PITPNM2: variants seen among roughly 807,000 people sequenced by gnomAD.
The protein encoded by PITPNM2 is phosphatidylinositol transfer protein membrane associated 2, also known as membrane-associated phosphatidylinositol transfer protein 2.
A neutral mutation model predicts 132.2 loss-of-function variants in PITPNM2; 35 were observed. The ratio of observed to expected loss-of-function variants is 0.26; its 90% CI spans 0.20 to 0.35. The LOEUF (loss-of-function observed/expected upper bound fraction) is 0.35. PITPNM2 is among the 10% of genes least tolerant of loss of function. PITPNM2 has a pLI of 1.00. For synonymous variants in PITPNM2, 738 were observed against 799.2 expected (o/e 0.92, Z 1.29); for missense variants, 1,332 against 1,912.0 (o/e 0.70, Z 5.66).
chr12:123,024,751 G>T (rs2039793075), intron 3 of PITPNM2, among the ~76,000 whole-genome samples: 1 of 152,164 alleles, frequency 6.6e-6, no homozygotes, highest in Admixed American at 6.5e-5. Context: ...GCACATTATT[G>T]GTTGCCTGGG....
At chr12:123,116,651 A>G (rs1205887608) in intron 1 of PITPNM2, among the ~76,000 whole-genome samples, 1 of 149,980 alleles carries the variant, frequency 6.7e-6, no homozygotes, top group Non-Finnish European at 1.5e-5. Context: ...TTGTTTCAAA[A>G]AAAAAAAAAA....
In PITPNM2 at chr12:122,986,289, G is replaced by A; in HGVS notation, c.3788C>T (p.Pro1263Leu). ...AQLKYSHRAR[P>L]ARNTATRMAL... Reference sequence around the variant, plus strand: ...CATGCGGGTGGCCGTGTTGCGAGCGGGCCGCGCCCGGTGGCTGTACTTCAG... The same window carrying A: ...CATGCGGGTGGCCGTGTTGCGAGCGAGCCGCGCCCGGTGGCTGTACTTCAG... The change falls in exon 26 of 26, where the codon CCC becomes CTC. Residue 1263 changes from proline to leucine, a missense_variant. By Grantham distance (98) the Pro-to-Leu change is moderately conservative (BLOSUM62 -3). This residue lies in a region of PITPNM2 where 163 missense variants were observed against 177.2 expected (regional missense o/e 0.92). Coordinates refer to ENST00000320201, the MANE Select transcript of PITPNM2 (RefSeq NM_020845.3). The A allele has an allele frequency of 6.3e-7, 1 of 1,581,996 alleles. No homozygotes were observed. The highest frequency in any genetic ancestry group is 1.7e-4 in the Middle Eastern group (1 of 5,988).
chr12:122,985,951 C>T lies in PITPNM2; in HGVS notation c.*76G>A. ...TCCCAGGCCCACGTCAGTGCGTGTG[C>T]CCAGGCCAGGCCTCCTGGCGGGGCT... On this transcript the variant is annotated 3_prime_UTR_variant, in exon 26 of 26. Transcript: ENST00000320201. 2 of 1,293,708 alleles carry T rather than the reference C, an allele frequency of 1.5e-6. No homozygotes were observed. Among genetic ancestry groups the T allele is most frequent in the Non-Finnish European group, 2.0e-6 (2 of 1,007,302 alleles). The allele number at this position is 1,293,708 out of a possible 1,614,324, so 80.1% of individuals were successfully genotyped here. A position where few individuals can be genotyped will look rare whatever the true frequency, so the allele number is the denominator to read the frequency against.
intron 1 of PITPNM2, among the ~76,000 whole-genome samples, chr12:123,137,765 T>C (rs12298355): frequency 0.012 from 1,823 of 151,598 alleles, 42 homozygotes; most frequent in South Asian, 0.057. Context: ...TGGTGGTGCG[T>C]GTCTGTAGTG....
intron 1 of PITPNM2, among the ~76,000 whole-genome samples, chr12:123,127,672 T>C (rs962165612): frequency 7.3e-4 from 110 of 150,572 alleles, no homozygotes; most frequent in Middle Eastern, 7.0e-3. Flanking sequence ...TGCAGTGGCG[T>C]GATCTCGGCT....
At chr12:123,072,569 C>T (rs2041648741) in intron 2 of PITPNM2, among the ~76,000 whole-genome samples, 1 of 152,214 alleles carries the variant, frequency 6.6e-6, no homozygotes, top group Non-Finnish European at 1.5e-5. Flanking sequence ...CATTCATTCC[C>T]ACCAAACTTG....
At chr12:123,053,048 G>A (rs1042042956) in intron 2 of PITPNM2, among the ~76,000 whole-genome samples, 2 of 151,858 alleles carry the variant, frequency 1.3e-5, no homozygotes, top group Non-Finnish European at 2.9e-5. Flanking sequence ...ACCACACCTG[G>A]CTAATTTTTT....
intron 6 of PITPNM2, chr12:123,007,507 G>T: frequency 2.4e-6 from 1 of 423,214 alleles, no homozygotes; most frequent in Non-Finnish European, 4.8e-6. Context: ...GTTGGGCCAC[G>T]CCAGGCTCCC....
At chr12:123,030,522 T>C (rs1216702612) in intron 3 of PITPNM2, among the ~76,000 whole-genome samples, 3 of 151,908 alleles carry the variant, frequency 2.0e-5, no homozygotes, top group Non-Finnish European at 4.4e-5. Flanking sequence ...TGAAACCCCG[T>C]CTCTACTAAA....
Position 123,013,862 on chromosome 12 carries a change from C to T in PITPNM2, c.259G>A (p.Glu87Lys). 6.2e-7 allele frequency: 1 copy of T among 1,614,242 alleles called. No homozygotes were observed. Among genetic ancestry groups the T allele is most frequent in the Non-Finnish European group, 8.5e-7 (1 of 1,180,044 alleles). Residue 87 changes from glutamate to lysine, a missense_variant, in exon 4 of 26, where the codon GAG becomes AAG. Glu to Lys is a moderately conservative substitution (Grantham distance 56). Coordinates refer to ENST00000320201, the MANE Select transcript of PITPNM2 (RefSeq NM_020845.3). ...GTGTAGGGGTAGGCATTCCAAGACT[C>T]CTCCACCACCCGCAGGGCTGCCTTG... ...LPKAALRVVE[E>K]SWNAYPYTRT...
chr12:122,990,712 G>A lies in PITPNM2; in HGVS notation c.2405-3C>T, dbSNP rs763456889. 2 of 1,601,380 alleles carry A rather than the reference G, an allele frequency of 1.2e-6. No homozygotes were observed. The highest frequency in any genetic ancestry group is 1.7e-6 in the Non-Finnish European group (2 of 1,174,326). The stretch of plus-strand genomic sequence containing the variant: ...ATTGTGGGTCTGGAGCACATCCGCT[G>A]CAGGTGGACAGGGACCAGAGGCCAG... On this transcript the variant is annotated splice_polypyrimidine_tract_variant and splice_region_variant and intron_variant, in intron 16 of 25. Coordinates refer to ENST00000320201, the MANE Select transcript of PITPNM2 (RefSeq NM_020845.3).
intron 1 of PITPNM2, among the ~76,000 whole-genome samples, chr12:123,127,141 C>A (rs969562671): frequency 2.6e-5 from 4 of 152,206 alleles, no homozygotes; most frequent in African/African-American, 9.7e-5. Context: ...GACTTCCAGG[C>A]TCTGTGACAA....
Position 123,023,791 on chromosome 12 carries a change from T to A in PITPNM2, c.79-9749A>T, listed in dbSNP as rs1041047213. On this transcript the variant is annotated intron_variant, in intron 3 of 25. Transcript: ENST00000320201. This position sits in a 1 kb window ranked among gnomAD's most constrained non-coding sequence, Gnocchi z 4.8. ...GAAAAGACAGATAAACTGGACCTCATCAAAATTAACAACTTTTATGCTTCA... is the reference window on the plus strand; with the variant it reads ...GAAAAGACAGATAAACTGGACCTCAACAAAATTAACAACTTTTATGCTTCA... 2.6e-5 allele frequency among the ~76,000 whole-genome samples: 4 copies of A among 152,016 alleles called. No homozygotes were observed. Among genetic ancestry groups the A allele is most frequent in the African/African-American group, 9.7e-5 (4 of 41,384 alleles).
chr12:123,056,838 C>T (rs2041045286), intron 2 of PITPNM2, among the ~76,000 whole-genome samples: 1 of 151,992 alleles, frequency 6.6e-6, no homozygotes, highest in Non-Finnish European at 1.5e-5. Context: ...TGGGGACAAC[C>T]TGCAGGTCCC....
At chr12:123,062,402 T>C (rs1286559495) in intron 2 of PITPNM2, among the ~76,000 whole-genome samples, 1 of 152,186 alleles carries the variant, frequency 6.6e-6, no homozygotes, top group Non-Finnish European at 1.5e-5. Context: ...TGGGCACTGC[T>C]GCTGGCTGTG....
At chr12:123,015,318 G>A (rs919610134) in intron 3 of PITPNM2, among the ~76,000 whole-genome samples, 2 of 152,096 alleles carry the variant, frequency 1.3e-5, no homozygotes, top group Admixed American at 6.5e-5. Context: ...TCAAAAAAGT[G>A]TAGCACTGGA....
At chr12:122,991,986 C>T in intron 16 of PITPNM2, 1 of 1,205,928 alleles carries the variant, frequency 8.3e-7, no homozygotes, top group Non-Finnish European at 1.1e-6. Flanking sequence ...ACTCAGGGCT[C>T]CTCGAGGACC....
chr12:123,054,218 G>A (rs1027925775), intron 2 of PITPNM2, among the ~76,000 whole-genome samples: 3 of 152,078 alleles, frequency 2.0e-5, no homozygotes, highest in African/African-American at 2.4e-5. Flanking sequence ...GGGCTCGAGC[G>A]ATCCACACCT....
chr12:123,102,770 G>A (rs986544155), intron 2 of PITPNM2, among the ~76,000 whole-genome samples: 1 of 152,166 alleles, frequency 6.6e-6, no homozygotes, highest in African/African-American at 2.4e-5. Flanking sequence ...GAAGTCACTC[G>A]ATGCAATGAG....
Sources: gnomAD v4.1 joint callset for allele counts (sites outside exome capture counted in the v4.1 genomes callset) on GRCh38, gnomAD v4.1.1 for gene constraint, gnomAD v4.1.1 regional missense constraint, Gnocchi (gnomAD v3.1) non-coding constraint, MANE v1.5 for transcripts, NCBI Gene and HGNC (gene_info 2026-07-23, HGNC 2026-07-21) for gene names.